BOLL: variants seen among roughly 807,000 people sequenced by gnomAD.
BOLL encodes the protein boule RNA binding protein, also known as protein boule-like.
In BOLL, 23 loss-of-function variants were observed where a neutral mutation model predicts 44.4. The observed-to-expected ratio is 0.52, with a 90% CI of 0.37 to 0.73. BOLL has a LOEUF of 0.73. Ranked by LOEUF, BOLL falls within the 30% of genes least tolerant of loss-of-function variation. The probability of loss-of-function intolerance (pLI) is 0.00; values close to 1 mark genes in which losing one functional copy is unlikely to be tolerated. For synonymous variants in BOLL, 97 were observed against 110.8 expected, an observed-to-expected ratio of 0.88 and a Z score of 0.78; for missense variants, 287 against 338.3, an observed-to-expected ratio of 0.85 and a Z score of 1.19.
chr2:197,781,851 C>T lies in BOLL; in HGVS notation c.-1G>A, dbSNP rs1472444676. 6.3e-7 allele frequency: 1 copy of T among 1,598,806 alleles called. No individual in the cohort carries two copies. On this transcript the variant is annotated 5_prime_UTR_variant, in exon 2 of 11. Coordinates refer to ENST00000392296, the MANE Select transcript of BOLL (RefSeq NM_033030.6). ...ATGGAGATAATGAATCTGTTTGCAT[C>T]TGGTTTGATGTTTGCTGTAAAATAA...
chr2:197,735,198 C>T (rs1687428171), intron 10 of BOLL, among the ~76,000 whole-genome samples: 1 of 151,954 alleles, frequency 6.6e-6, no homozygotes, highest in Admixed American at 6.6e-5. Flanking sequence ...TTCTATTATT[C>T]CTGCCATTCT....
chr2:197,737,607 G>T (rs568439123), intron 10 of BOLL, among the ~76,000 whole-genome samples: 1 of 152,042 alleles, frequency 6.6e-6, no homozygotes, highest in South Asian at 2.1e-4. Context: ...TCCTTCCCAG[G>T]TTTTTCAGAA....
intron 1 of BOLL, 138 bp downstream of exon 1, chr2:197,784,918 T>G (rs1282854855): frequency 1.0e-6 from 1 of 986,856 alleles, no homozygotes; most frequent in South Asian, 4.7e-5. Context: ...CTCCGTTTGC[T>G]AAAACTTCCA....
chr2:197,737,143 G>A (rs776565262), intron 10 of BOLL, among the ~76,000 whole-genome samples: 15 of 151,962 alleles, frequency 9.9e-5, no homozygotes, highest in Non-Finnish European at 1.8e-4. Flanking sequence ...GAGAACATGG[G>A]ATACATCTTA....
chr2:197,739,020 T>G (rs1236232172), intron 10 of BOLL, among the ~76,000 whole-genome samples: 1 of 152,182 alleles, frequency 6.6e-6, no homozygotes, highest in African/African-American at 2.4e-5. Flanking sequence ...CAGCATTATA[T>G]AGTTCTAGAA....
intron 9 of BOLL, among the ~76,000 whole-genome samples, chr2:197,751,191 A>G (rs1204430255): frequency 6.6e-6 from 1 of 152,226 alleles, no homozygotes; most frequent in Non-Finnish European, 1.5e-5. Context: ...CACAGAAGAA[A>G]GAGGGAAAGA....
At chr2:197,732,783 A>G (rs1687261588) in intron 10 of BOLL, among the ~76,000 whole-genome samples, 1 of 141,878 alleles carries the variant, frequency 7.0e-6, no homozygotes, top group Non-Finnish European at 1.5e-5. Context: ...AAAACTCTCA[A>G]TAAATTAGGT....
chr2:197,777,016 CA>C, intron 4 of BOLL, 42 bp downstream of exon 4: 1 of 1,444,084 alleles, frequency 6.9e-7, no homozygotes, highest in Non-Finnish European at 9.5e-7. Context: ...GTTTCAAATA[CA>C]AAATTTCCAG....
At position 197,748,946 on chromosome 2, in the gene BOLL, A is replaced by T. The variant is rs184072438; in HGVS notation, c.730-5787T>A. Among the ~76,000 whole-genome samples, 904 of 152,264 alleles carry T rather than the reference A, an allele frequency of 5.9e-3. 2 individuals carry two copies. The highest frequency in any genetic ancestry group is 0.027 in the Middle Eastern group (8 of 294). On this transcript the variant is annotated intron_variant, in intron 9 of 10. Coordinates refer to ENST00000392296, the MANE Select transcript of BOLL (RefSeq NM_033030.6). Reference sequence around the variant, plus strand: ...CACCTGTGCCTCCTGACTGGGAGATACCTCCTAGCAGGGGTTGACAGACAC... The same window carrying T: ...CACCTGTGCCTCCTGACTGGGAGATTCCTCCTAGCAGGGGTTGACAGACAC...
rs568590718 is a variant in BOLL at position 197,729,105 on chromosome 2, T to C, written c.829-527A>G. 1.5e-4 allele frequency among the ~76,000 whole-genome samples: 23 copies of C among 152,170 alleles called. No individual in the cohort carries two copies. In the East Asian group the frequency reaches 4.5e-3, roughly 29 times the overall value. Reference sequence around the variant, plus strand: ...GGGAGTGCCAGACAGTGGGCGCAGGTCAGTGGGTGCGTGCACCGTGCGCAA... The same window carrying C: ...GGGAGTGCCAGACAGTGGGCGCAGGCCAGTGGGTGCGTGCACCGTGCGCAA... On this transcript the variant is annotated intron_variant, in intron 10 of 10. Transcript: ENST00000392296.
intron 8 of BOLL, 41 bp downstream of exon 8, chr2:197,757,312 A>G: frequency 6.5e-7 from 1 of 1,545,274 alleles, no homozygotes. Context: ...GAATATAATG[A>G]AAGAAGGATT....
intron 10 of BOLL, among the ~76,000 whole-genome samples, chr2:197,742,259 T>A (rs1338179993): frequency 6.6e-6 from 1 of 152,192 alleles, no homozygotes; most frequent in Non-Finnish European, 1.5e-5. Context: ...AGTGTGGCGA[T>A]TCCTCAGGGA....
intron 2 of BOLL, among the ~76,000 whole-genome samples, chr2:197,780,252 G>A (rs1182709958): frequency 1.3e-5 from 2 of 151,968 alleles, no homozygotes; most frequent in African/African-American, 4.8e-5. Context: ...AAAATGAAAG[G>A]TTAAAAAGTC....
chr2:197,786,175 T>C, upstream of BOLL: 6 of 929,202 alleles, frequency 6.5e-6, no homozygotes, highest in Non-Finnish European at 9.0e-6. The surrounding 1 kb of genome is among the most constrained non-coding windows in gnomAD (Gnocchi z 5.9). Flanking sequence ...GCCCTGAACC[T>C]GCCACCTGGC....
chr2:197,735,001 A>T (rs1199388886), intron 10 of BOLL, among the ~76,000 whole-genome samples: 3 of 152,126 alleles, frequency 2.0e-5, no homozygotes, highest in African/African-American at 7.2e-5. Flanking sequence ...CTGCATAATG[A>T]AAAATGAAGC....
intron 9 of BOLL, among the ~76,000 whole-genome samples, chr2:197,745,899 A>C (rs1156431968): frequency 1.3e-5 from 2 of 152,202 alleles, no homozygotes; most frequent in Non-Finnish European, 2.9e-5. Context: ...AGAAGCACAA[A>C]ATATCTCCAC....
intron 9 of BOLL, among the ~76,000 whole-genome samples, chr2:197,747,135 C>T (rs865876669): frequency 5.7e-4 from 86 of 151,962 alleles, no homozygotes; most frequent in African/African-American, 2.0e-3. Flanking sequence ...AAAAGGATAA[C>T]CATGTGAGGT....
At chr2:197,761,399 GT>G (rs1213615848) in intron 7 of BOLL, among the ~76,000 whole-genome samples, 1 of 152,060 alleles carries the variant, frequency 6.6e-6, no homozygotes, top group African/African-American at 2.4e-5. Context: ...TGAAAGGATG[GT>G]AACAACGATC....
chr2:197,782,216 C>A (rs894928233), intron 1 of BOLL, among the ~76,000 whole-genome samples: 1 of 152,166 alleles, frequency 6.6e-6, no homozygotes, highest in Non-Finnish European at 1.5e-5. Context: ...ATCAACTACA[C>A]CCTGGTGTTG....
Sources: gnomAD v4.1 joint callset for allele counts (sites outside exome capture counted in the v4.1 genomes callset) on GRCh38, gnomAD v4.1.1 for gene constraint, Gnocchi (gnomAD v3.1) non-coding constraint, MANE v1.5 for transcripts, NCBI Gene and HGNC (gene_info 2026-07-23, HGNC 2026-07-21) for gene names.